Variants in KCNIP4 observed in about 807,000 individuals in gnomAD.
KCNIP4 encodes potassium voltage-gated channel interacting protein 4, also known as Kv channel-interacting protein 4.
Under a neutral mutation model 34.0 loss-of-function variants are expected in KCNIP4, and 12 were observed. The observed-to-expected ratio is 0.35, with a 90% CI of 0.23 to 0.57. The LOEUF (loss-of-function observed/expected upper bound fraction) is 0.57. KCNIP4 is among the 20% of genes least tolerant of loss of function. The pLI is 0.83. For synonymous variants in KCNIP4, 124 were observed against 102.2 expected (o/e 1.21, Z -1.29); for missense variants, 238 against 311.7 (o/e 0.76, Z 1.78).
At chr4:21,298,064 T>C (rs528595296) in intron 1 of KCNIP4, among the ~76,000 whole-genome samples, 2 of 152,302 alleles carry the variant, frequency 1.3e-5, no homozygotes, top group African/African-American at 4.8e-5. Flanking sequence ...TTCTAGTTTA[T>C]TCATCTGCAA....
At chr4:20,817,394 C>G (rs1448776603) in intron 3 of KCNIP4, among the ~76,000 whole-genome samples, 1 of 152,160 alleles carries the variant, frequency 6.6e-6, no homozygotes, top group African/African-American at 2.4e-5. Flanking sequence ...GAGCCCTGTT[C>G]TCGACTAAAA....
chr4:21,644,272 T>C (rs1049904025), intron 1 of KCNIP4, among the ~76,000 whole-genome samples: 1 of 152,076 alleles, frequency 6.6e-6, no homozygotes, highest in Admixed American at 6.6e-5. Flanking sequence ...AATCTAATAT[T>C]ACTTTTGGAG....
At chr4:21,032,157 C>T (rs771321760) in intron 1 of KCNIP4, among the ~76,000 whole-genome samples, 34 of 152,046 alleles carry the variant, frequency 2.2e-4, no homozygotes, top group South Asian at 4.1e-4. Flanking sequence ...TTAAAGATAT[C>T]GCTCACTCAC....
chr4:21,183,839 T>C (rs1426074825), intron 1 of KCNIP4, among the ~76,000 whole-genome samples: 2 of 152,236 alleles, frequency 1.3e-5, no homozygotes, highest in East Asian at 3.9e-4. Flanking sequence ...ATGGATTCTC[T>C]CTTATGTAGA....
chr4:20,952,620 T>C (rs1174060387), intron 1 of KCNIP4, among the ~76,000 whole-genome samples: 1 of 152,210 alleles, frequency 6.6e-6, no homozygotes, highest in Admixed American at 6.6e-5. Context: ...AAAGCATAAC[T>C]TTTCCCATCA....
Position 21,881,054 on chromosome 4 carries a change from T to G in KCNIP4, c.61+67517A>C, listed in dbSNP as rs546952212. Among the ~76,000 whole-genome samples the G allele has an allele frequency of 2.0e-3, 310 of 152,320 alleles. 1 individual carries two copies. Among genetic ancestry groups the G allele is most frequent in the Middle Eastern group, 0.01 (3 of 294 alleles). ...TTAAGCTGTAATTGTTGTTGGAGTA[T>G]AGTTCATTTTTAAATCCTTACAGTG... is the stretch of plus-strand genomic sequence containing the variant. On this transcript the variant is annotated intron_variant, in intron 1 of 8. Coordinates refer to ENST00000382152, the MANE Select transcript of KCNIP4 (RefSeq NM_025221.6).
intron 1 of KCNIP4, among the ~76,000 whole-genome samples, chr4:20,890,490 T>C (rs979301308): frequency 2.0e-5 from 3 of 152,208 alleles, no homozygotes; most frequent in African/African-American, 7.2e-5. Flanking sequence ...GTGTATTACA[T>C]ATATTAGGTA....
At chr4:21,147,076 G>A (rs1404542392) in intron 1 of KCNIP4, among the ~76,000 whole-genome samples, 2 of 152,164 alleles carry the variant, frequency 1.3e-5, no homozygotes, top group Non-Finnish European at 2.9e-5. Flanking sequence ...GGGTTAAAAA[G>A]TGCCTGTGTC....
Position 21,916,200 on chromosome 4 carries a change from A to C in KCNIP4, c.61+32371T>G, listed in dbSNP as rs566467467. Among the ~76,000 whole-genome samples, 4 of 152,340 alleles carry C rather than the reference A, an allele frequency of 2.6e-5. 1 individual carries two copies. The South Asian group carries it at 8.3e-4, about 32-fold the overall frequency. On this transcript the variant is annotated intron_variant, in intron 1 of 8. Transcript: ENST00000382152. Reference sequence around the variant, plus strand: ...GTGACTATATGTGCCACTGGAGTACAATTTTTAAAATACCTGCTTCTTTCC... The same window carrying C: ...GTGACTATATGTGCCACTGGAGTACCATTTTTAAAATACCTGCTTCTTTCC...
chr4:21,446,456 T>C (rs564394077), intron 1 of KCNIP4, among the ~76,000 whole-genome samples: 72 of 151,952 alleles, frequency 4.7e-4, no homozygotes, highest in Admixed American at 2.3e-3. Flanking sequence ...AAAAAAGGAA[T>C]GAGTTCATGT....
At chr4:20,985,261 T>C (rs1736465301) in intron 1 of KCNIP4, among the ~76,000 whole-genome samples, 1 of 152,242 alleles carries the variant, frequency 6.6e-6, no homozygotes, top group African/African-American at 2.4e-5. Context: ...GTCAAGATCA[T>C]AATACTTCAT....
intron 5 of KCNIP4, among the ~76,000 whole-genome samples, chr4:20,741,842 AAG>A (rs1197862884): frequency 6.6e-6 from 1 of 152,218 alleles, no homozygotes; most frequent in African/African-American, 2.4e-5. Flanking sequence ...TAAAGAAGAA[AAG>A]AGAGAAGAAT....
chr4:21,519,598 A>G lies in KCNIP4; in HGVS notation c.61+428973T>C, dbSNP rs1434827035. ...CATATGTGTGTGTATGTATGTGTAT[A>G]TATACACATATGTGTGTGTATGTAT... On this transcript the variant is annotated intron_variant, in intron 1 of 8. Transcript: ENST00000382152. Among the ~76,000 whole-genome samples the G allele has an allele frequency of 2.6e-5, 3 of 116,350 alleles. 1 individual carries two copies. In the South Asian group the frequency reaches 8.0e-4, roughly 31 times the overall value. The allele number at this position is 116,350 out of a possible 152,430, so 76.3% of individuals were successfully genotyped here. A position where few individuals can be genotyped will look rare whatever the true frequency, so the allele number is the denominator to read the frequency against.
chr4:20,940,664 A>C (rs532580573), intron 1 of KCNIP4, among the ~76,000 whole-genome samples: 1 of 152,278 alleles, frequency 6.6e-6, no homozygotes, highest in African/African-American at 2.4e-5. Flanking sequence ...CTTAGAAAAT[A>C]ACTTATTTGG....
At chr4:21,822,354 C>T (rs999585172) in intron 1 of KCNIP4, among the ~76,000 whole-genome samples, 2 of 152,164 alleles carry the variant, frequency 1.3e-5, no homozygotes, top group Non-Finnish European at 2.9e-5. Flanking sequence ...GAGAAACTTT[C>T]TTCCCTCTGG....
intron 1 of KCNIP4, among the ~76,000 whole-genome samples, chr4:21,281,145 G>T (rs1174648965): frequency 4.8e-5 from 7 of 146,086 alleles, no homozygotes; most frequent in Non-Finnish European, 7.4e-5. Flanking sequence ...GGAGTGCAGT[G>T]GCGCGATCTT....
At chr4:21,804,451 A>C (rs1156702894) in intron 1 of KCNIP4, among the ~76,000 whole-genome samples, 1 of 152,202 alleles carries the variant, frequency 6.6e-6, no homozygotes, top group African/African-American at 2.4e-5. Flanking sequence ...AGCTCAGTTG[A>C]CCACAGAAAT....
intron 1 of KCNIP4, among the ~76,000 whole-genome samples, chr4:21,898,040 G>C (rs1406162348): frequency 2.6e-5 from 4 of 152,168 alleles, no homozygotes; most frequent in Admixed American, 1.3e-4. Flanking sequence ...TCAGAAAGTA[G>C]GACAGGGAAG....
At chr4:21,236,935 G>A (rs2109037913) in intron 1 of KCNIP4, among the ~76,000 whole-genome samples, 1 of 151,792 alleles carries the variant, frequency 6.6e-6, no homozygotes, top group Non-Finnish European at 1.5e-5. Context: ...GAACCTGGGA[G>A]GCAGAGGTTA....
Sources: gnomAD v4.1 joint callset for allele counts (sites outside exome capture counted in the v4.1 genomes callset) on GRCh38, gnomAD v4.1.1 for gene constraint, MANE v1.5 for transcripts, NCBI Gene and HGNC (gene_info 2026-07-23, HGNC 2026-07-21) for gene names.